PALM2AKAP2: variants seen among roughly 807,000 people sequenced by gnomAD.
PALM2AKAP2 encodes PALM2-AKAP2 fusion protein.
A neutral mutation model predicts 71.5 loss-of-function variants in PALM2AKAP2; 37 were observed. That is an observed-to-expected ratio of 0.52 (90% CI 0.40 to 0.68). PALM2AKAP2 has a LOEUF of 0.68. PALM2AKAP2 is among the 30% of genes least tolerant of loss of function. The pLI is 0.00. For synonymous variants in PALM2AKAP2, 468 were observed against 478.8 expected, an observed-to-expected ratio of 0.98 and a Z score of 0.29; for missense variants, 1,224 against 1,191.8, an observed-to-expected ratio of 1.03 and a Z score of -0.40.
chr9:110,161,824 A>G (rs1469307479), intron 3 of PALM2AKAP2, among the ~76,000 whole-genome samples: 1 of 152,090 alleles, frequency 6.6e-6, no homozygotes, highest in Non-Finnish European at 1.5e-5. Flanking sequence ...AATTCAAAGT[A>G]CAGAAACTGA....
chr9:109,814,651 T>C (rs573188585), intron 1 of PALM2AKAP2, among the ~76,000 whole-genome samples: 2 of 152,326 alleles, frequency 1.3e-5, no homozygotes, highest in Admixed American at 6.5e-5. Flanking sequence ...GGACAATAAG[T>C]ACTCTGATAG....
At chr9:110,003,212 A>G (rs1000032814) in intron 6 of PALM2AKAP2, among the ~76,000 whole-genome samples, 4 of 152,104 alleles carry the variant, frequency 2.6e-5, no homozygotes, top group Middle Eastern at 3.4e-3. Context: ...AATGTGTCCC[A>G]GAGATTCTGG....
intron 3 of PALM2AKAP2, among the ~76,000 whole-genome samples, chr9:109,884,972 T>C (rs1240726013): frequency 2.0e-5 from 3 of 152,194 alleles, no homozygotes; most frequent in Non-Finnish European, 2.9e-5. Context: ...GAACTTCAAG[T>C]GTATGTAGGA....
At chr9:109,689,704 C>T (rs1419416149) in intron 1 of PALM2AKAP2, among the ~76,000 whole-genome samples, 2 of 152,228 alleles carry the variant, frequency 1.3e-5, no homozygotes, top group African/African-American at 4.8e-5. Flanking sequence ...CAGTGTGAGA[C>T]TCACATGAGG....
intron 1 of PALM2AKAP2, among the ~76,000 whole-genome samples, chr9:109,715,772 G>A (rs1327333889): frequency 6.6e-6 from 1 of 152,202 alleles, no homozygotes; most frequent in African/African-American, 2.4e-5. Context: ...AGTTGTTCTA[G>A]CCTATTTCAT....
intron 2 of PALM2AKAP2, among the ~76,000 whole-genome samples, chr9:110,149,862 A>G (rs1476691035): frequency 6.6e-6 from 1 of 152,184 alleles, no homozygotes; most frequent in African/African-American, 2.4e-5. Context: ...TCTGCTATGG[A>G]TGACTATCTG....
At position 109,657,360 on chromosome 9, in the gene PALM2AKAP2, G is replaced by C. The variant is rs79435032; in HGVS notation, c.5+16494G>C. Among the ~76,000 whole-genome samples, 62 of 152,288 alleles carry C rather than the reference G, an allele frequency of 4.1e-4. No individual in the cohort carries two copies. In the East Asian group the frequency reaches 0.012, roughly 28 times the overall value. On this transcript the variant is annotated intron_variant, in intron 1 of 6. Coordinates refer to the PALM2AKAP2 transcript ENST00000374531. ...TCACACTTTTCAAACCAGCACATCT[G>C]GGGGCTAAGAAGGAAGCTTTGCTTG...
At chr9:109,994,993 A>G (rs554559888) in intron 6 of PALM2AKAP2, among the ~76,000 whole-genome samples, 46 of 152,212 alleles carry the variant, frequency 3.0e-4, no homozygotes, top group Admixed American at 5.2e-4. Context: ...ACAAGCCACC[A>G]GGGCTGCCAT....
chr9:110,079,169 C>T (rs1033928005), intron 1 of PALM2AKAP2, among the ~76,000 whole-genome samples: 11 of 152,184 alleles, frequency 7.2e-5, no homozygotes, highest in Middle Eastern at 3.4e-3. Flanking sequence ...TGATAGGAAG[C>T]GAGTGTATCT....
chr9:110,049,496 C>G (rs1355619470), intron 1 of PALM2AKAP2, among the ~76,000 whole-genome samples: 1 of 152,144 alleles, frequency 6.6e-6, no homozygotes, highest in South Asian at 2.1e-4. Flanking sequence ...AGGGAGAACG[C>G]GGTCCGGGTC....
At chr9:109,882,329 G>C (rs568662212) in intron 3 of PALM2AKAP2, among the ~76,000 whole-genome samples, 6 of 152,228 alleles carry the variant, frequency 3.9e-5, no homozygotes, top group Non-Finnish European at 5.9e-5. Flanking sequence ...GTCAGCCTAT[G>C]TCCCTACTTT....
intron 6 of PALM2AKAP2, among the ~76,000 whole-genome samples, chr9:109,968,201 C>T (rs1831992607): frequency 6.6e-6 from 1 of 152,202 alleles, no homozygotes; most frequent in Non-Finnish European, 1.5e-5. Context: ...AGAGGGACTC[C>T]TGCATTTGCT....
intron 6 of PALM2AKAP2, chr9:109,942,893 A>G (rs201346571): frequency 5.6e-6 from 9 of 1,614,066 alleles, no homozygotes; most frequent in Middle Eastern, 1.6e-4. Flanking sequence ...GATGTAGAAG[A>G]GCTTATTCAG....
At chr9:109,988,868 G>A (rs1832424652) in intron 6 of PALM2AKAP2, among the ~76,000 whole-genome samples, 1 of 152,144 alleles carries the variant, frequency 6.6e-6, no homozygotes, top group Non-Finnish European at 1.5e-5. Flanking sequence ...TTGAACCATG[G>A]GGGTGGTTTC....
chr9:109,998,854 G>A (rs1264374508), intron 6 of PALM2AKAP2, among the ~76,000 whole-genome samples: 1 of 151,942 alleles, frequency 6.6e-6, no homozygotes, highest in Non-Finnish European at 1.5e-5. Context: ...ACCAGGAAAA[G>A]GCCATGTCAT....
intron 1 of PALM2AKAP2, among the ~76,000 whole-genome samples, chr9:109,851,018 A>G (rs1587959125): frequency 2.6e-5 from 4 of 152,188 alleles, no homozygotes; most frequent in Non-Finnish European, 5.9e-5. Context: ...TCTACTGAAA[A>G]TACAAAAAAT....
At chr9:110,082,444 T>C (rs550296859) in intron 1 of PALM2AKAP2, among the ~76,000 whole-genome samples, 1 of 152,292 alleles carries the variant, frequency 6.6e-6, no homozygotes, top group East Asian at 1.9e-4. Flanking sequence ...ACCCTTGAGA[T>C]CACCTATAAA....
intron 1 of PALM2AKAP2, among the ~76,000 whole-genome samples, chr9:109,853,253 A>C (rs574049514): frequency 6.8e-6 from 1 of 146,404 alleles, no homozygotes; most frequent in African/African-American, 2.5e-5. Context: ...TCCCACCCCC[A>C]GTACCTTTTC....
intron 1 of PALM2AKAP2, among the ~76,000 whole-genome samples, chr9:110,067,657 T>C (rs1834111260): frequency 1.3e-5 from 2 of 152,220 alleles, no homozygotes; most frequent in South Asian, 2.1e-4. Flanking sequence ...CTGTAAACAT[T>C]GTGAGAGACA....
Sources: allele counts gnomAD v4.1 joint callset (sites outside exome capture counted in the v4.1 genomes callset), GRCh38; gene constraint gnomAD v4.1.1; transcripts MANE v1.5; gene names NCBI Gene and HGNC (gene_info 2026-07-23, HGNC 2026-07-21).